DCC: variants seen among roughly 807,000 people sequenced by gnomAD.
The protein encoded by DCC is DCC netrin 1 receptor, also known as netrin receptor DCC.
DCC carries 58 observed loss-of-function variants against 172.5 expected under a neutral mutation model. The ratio of observed to expected loss-of-function variants is 0.34; its 90% CI spans 0.27 to 0.42. The LOEUF is 0.42. Ranked by LOEUF, DCC falls within the 10% of genes least tolerant of loss-of-function variation. The pLI is 1.00. For synonymous variants in DCC, 709 were observed against 644.5 expected, an observed-to-expected ratio of 1.10 and a Z score of -1.52; for missense variants, 1,740 against 1,791.0, an observed-to-expected ratio of 0.97 and a Z score of 0.51.
At chr18:52,876,557 C>T (rs1234251628) in intron 2 of DCC, among the ~76,000 whole-genome samples, 1 of 152,138 alleles carries the variant, frequency 6.6e-6, no homozygotes, top group Non-Finnish European at 1.5e-5. Flanking sequence ...TAGAACTGTG[C>T]TTTATAGTGA....
intron 9 of DCC, among the ~76,000 whole-genome samples, chr18:53,197,069 C>G (rs1188310473): frequency 6.6e-6 from 1 of 151,904 alleles, no homozygotes; most frequent in East Asian, 1.9e-4. Context: ...GAAAAAAAAT[C>G]AAAGAGGCAA....
chr18:52,398,542 A>T (rs1986319257), intron 1 of DCC, among the ~76,000 whole-genome samples: 1 of 151,964 alleles, frequency 6.6e-6, no homozygotes. Context: ...TTACTACATG[A>T]TTATTCAACA....
intron 5 of DCC, among the ~76,000 whole-genome samples, chr18:52,985,754 CTATT>C (rs2145612068): frequency 6.6e-6 from 1 of 151,376 alleles, no homozygotes; most frequent in African/African-American, 2.4e-5. Flanking sequence ...CTTATTGTTT[CTATT>C]TATTTATCTT....
rs1335786217 is a variant in DCC, at chr18:52,406,059, C to T, written c.91+65181C>T. 2.1e-5 allele frequency among the ~76,000 whole-genome samples: 3 copies of T among 143,786 alleles called. No individual in the cohort carries two copies. In the East Asian group the frequency reaches 6.1e-4, roughly 29 times the overall value. The allele number at this position is 143,786 out of a possible 152,430, so 94.3% of individuals were successfully genotyped here. A position where few individuals can be genotyped will look rare whatever the true frequency, so the allele number is the denominator to read the frequency against. On this transcript the variant is annotated intron_variant, in intron 1 of 28. Transcript: ENST00000442544. ...TGATCTTTGACAAACCTGAGAAAAA[C>T]AAGCAATGGGGAAAGGATTCCCTAT...
chr18:53,087,928 T>A (rs1439599638), intron 7 of DCC, among the ~76,000 whole-genome samples: 4 of 152,064 alleles, frequency 2.6e-5, no homozygotes, highest in Non-Finnish European at 5.9e-5. Flanking sequence ...TGCGACGTTA[T>A]TTCTGAGGCC....
At chr18:52,626,918 T>A (rs2034584070) in intron 1 of DCC, among the ~76,000 whole-genome samples, 1 of 152,140 alleles carries the variant, frequency 6.6e-6, no homozygotes, top group Non-Finnish European at 1.5e-5. Context: ...TTGGAATCCA[T>A]GGAGGGTTCC....
chr18:52,508,295 G>A (rs2031309152), intron 1 of DCC, among the ~76,000 whole-genome samples: 1 of 152,046 alleles, frequency 6.6e-6, no homozygotes, highest in South Asian at 2.1e-4. Flanking sequence ...GATGTATTGG[G>A]TGGAGTAGAG....
At chr18:52,947,463 G>A (rs2040566464) in intron 5 of DCC, among the ~76,000 whole-genome samples, 1 of 152,166 alleles carries the variant, frequency 6.6e-6, no homozygotes, top group Non-Finnish European at 1.5e-5. Flanking sequence ...TTGAGGGGTA[G>A]TAGGAGAGCT....
rs190532190 is a variant in DCC at position 52,714,384 on chromosome 18, C to A, written c.92-37670C>A. On this transcript the variant is annotated intron_variant, in intron 1 of 28. Transcript: ENST00000442544. The stretch of plus-strand genomic sequence containing the variant: ...ATAAAACTCAGCCAAACAGACAAAG[C>A]AACAAGAGAGCAAGAAAGAATGAAG... 2.0e-3 allele frequency among the ~76,000 whole-genome samples: 301 copies of A among 152,222 alleles called. 2 individuals carry two copies. Among genetic ancestry groups the A allele is most frequent in the African/African-American group, 6.2e-3 (258 of 41,536 alleles).
intron 1 of DCC, among the ~76,000 whole-genome samples, chr18:52,742,056 T>G (rs80170347): frequency 0.035 from 5,342 of 152,204 alleles, 132 homozygotes; most frequent in Admixed American, 0.048. Context: ...GAAGAGGTCA[T>G]GTGAGCACAC....
chr18:52,585,280 G>A (rs369529988), intron 1 of DCC, among the ~76,000 whole-genome samples: 1 of 152,154 alleles, frequency 6.6e-6, no homozygotes, highest in Non-Finnish European at 1.5e-5. Context: ...CATACATGTA[G>A]CCATGCCCAA....
chr18:53,435,013 G>A (rs764134256), intron 21 of DCC, 131 bp from the exon 22 acceptor site: 6 of 754,152 alleles, frequency 8.0e-6, no homozygotes, highest in South Asian at 5.7e-5. Context: ...AAGGGTATGA[G>A]AGTTGTCAGG....
At chr18:52,800,296 T>G (rs2037960306) in intron 2 of DCC, among the ~76,000 whole-genome samples, 1 of 151,996 alleles carries the variant, frequency 6.6e-6, no homozygotes, top group Non-Finnish European at 1.5e-5. Context: ...TTTAAATGAG[T>G]CATTAAACAA....
At chr18:53,112,923 T>C (rs1013093804) in intron 7 of DCC, among the ~76,000 whole-genome samples, 5 of 151,560 alleles carry the variant, frequency 3.3e-5, no homozygotes, top group Non-Finnish European at 5.9e-5. Flanking sequence ...ATTTTAAAAT[T>C]GGAATTAAAA....
chr18:52,551,180 A>G (rs1029507842), intron 1 of DCC, among the ~76,000 whole-genome samples: 2 of 151,994 alleles, frequency 1.3e-5, no homozygotes, highest in Non-Finnish European at 2.9e-5. Context: ...CCAATGATGG[A>G]GATCATGGCA....
chr18:52,727,168 G>T (rs2036564502), intron 1 of DCC, among the ~76,000 whole-genome samples: 1 of 152,166 alleles, frequency 6.6e-6, no homozygotes, highest in Non-Finnish European at 1.5e-5. Context: ...CAAAGTGATT[G>T]GTTATGGAAA....
chr18:52,803,650 T>C (rs891349224), intron 2 of DCC, among the ~76,000 whole-genome samples: 3 of 152,110 alleles, frequency 2.0e-5, no homozygotes, highest in African/African-American at 4.8e-5. Flanking sequence ...ATTGCAAATC[T>C]CCAAAAAAAG....
chr18:53,437,936 A>G (rs1194356585), intron 22 of DCC, among the ~76,000 whole-genome samples: 1 of 152,202 alleles, frequency 6.6e-6, no homozygotes, highest in African/African-American at 2.4e-5. Flanking sequence ...GCAGAAATAT[A>G]CACCCCAGGA....
chr18:52,398,036 C>A lies in DCC; in HGVS notation c.91+57158C>A, dbSNP rs1412066970. On this transcript the variant is annotated intron_variant, in intron 1 of 28. Transcript: ENST00000442544. ...CAAGGCCTCATCAACAGCTCCTCAC[C>A]TTGTTTCCTTTCTGAGCAGTAGCAC... 2.0e-5 allele frequency among the ~76,000 whole-genome samples: 3 copies of A among 152,066 alleles called. No individual in the cohort carries two copies. In the East Asian group the frequency reaches 5.8e-4, roughly 30 times the overall value.
Sources: allele counts gnomAD v4.1 joint callset (sites outside exome capture counted in the v4.1 genomes callset), GRCh38; gene constraint gnomAD v4.1.1; transcripts MANE v1.5; gene names NCBI Gene and HGNC (gene_info 2026-07-23, HGNC 2026-07-21).